ZFHX3: variants seen among roughly 807,000 people sequenced by gnomAD.
ZFHX3 encodes the protein zinc finger homeobox protein 3.
Under a neutral mutation model 279.1 loss-of-function variants are expected in ZFHX3, and 42 were observed. The ratio of observed to expected loss-of-function variants is 0.15; its 90% confidence interval spans 0.12 to 0.19. The LOEUF is 0.19. ZFHX3 is among the 10% of genes least tolerant of loss of function. ZFHX3 has a pLI of 1.00. For synonymous variants in ZFHX3, 2,293 were observed against 1,957.8 expected (o/e 1.17, Z -4.52); for missense variants, 4,981 against 4,754.0 (o/e 1.05, Z -1.40).
chr16:72,823,058 G>A (rs2036839347), intron 5 of ZFHX3, among the ~76,000 whole-genome samples: 2 of 152,152 alleles, frequency 1.3e-5, no homozygotes, highest in Admixed American at 1.3e-4. Context: ...ACTTTAAGCA[G>A]CCAAGTATAC....
chr16:73,663,084 G>T (rs1035346052), intron 2 of ZFHX3, among the ~76,000 whole-genome samples: 1 of 152,172 alleles, frequency 6.6e-6, no homozygotes, highest in African/African-American at 2.4e-5. Context: ...AAATAAAAAA[G>T]AAAAGAGGTT....
At chr16:72,947,827 G>T (rs1960774473) in intron 3 of ZFHX3, among the ~76,000 whole-genome samples, 1 of 152,160 alleles carries the variant, frequency 6.6e-6, no homozygotes, top group Admixed American at 6.5e-5. Context: ...ATTACATCCA[G>T]TTAACTGTGC....
intron 3 of ZFHX3, among the ~76,000 whole-genome samples, chr16:73,439,923 A>C (rs1382697113): frequency 3.4e-5 from 5 of 145,850 alleles, no homozygotes; most frequent in African/African-American, 1.1e-4. Flanking sequence ...AAAAAAAAAA[A>C]AAAAAAAAAC....
intron 5 of ZFHX3, among the ~76,000 whole-genome samples, chr16:73,236,803 C>G (rs1186111575): frequency 6.6e-6 from 1 of 152,168 alleles, no homozygotes; most frequent in Admixed American, 6.5e-5. Context: ...CCACAGCACT[C>G]TTCATCTCAA....
chr16:73,293,118 C>A (rs1247376890), intron 4 of ZFHX3, among the ~76,000 whole-genome samples: 1 of 152,138 alleles, frequency 6.6e-6, no homozygotes, highest in Non-Finnish European at 1.5e-5. Flanking sequence ...GACCAACCTA[C>A]CAGAAGAGGA....
intron 4 of ZFHX3, among the ~76,000 whole-genome samples, chr16:72,886,856 C>T (rs1369864309): frequency 1.3e-5 from 2 of 152,212 alleles, no homozygotes; most frequent in Non-Finnish European, 2.9e-5. Flanking sequence ...CAGGCCCATC[C>T]TCGTCCCTTA....
chr16:73,319,067 A>G (rs1225737432), intron 3 of ZFHX3, among the ~76,000 whole-genome samples: 1 of 134,518 alleles, frequency 7.4e-6, no homozygotes, highest in African/African-American at 2.7e-5. Flanking sequence ...AGTAAATACC[A>G]TGGAGGGGGT....
intron 7 of ZFHX3, among the ~76,000 whole-genome samples, chr16:73,124,502 CAG>C (rs756000441): frequency 1.8e-4 from 28 of 152,180 alleles, no homozygotes; most frequent in Admixed American, 5.2e-4. Context: ...TAGAGCGATT[CAG>C]AGTGCGGGCT....
chr16:73,743,655 CTACATA>C, intron 1 of ZFHX3, among the ~76,000 whole-genome samples: 1 of 151,686 alleles, frequency 6.6e-6, no homozygotes, highest in Non-Finnish European at 1.5e-5. Flanking sequence ...CAGGTAACTC[CTACATA>C]TATATATACA....
intron 3 of ZFHX3, chr16:73,388,995 C>A (rs2016956756): frequency 6.6e-6 from 1 of 152,246 alleles, no homozygotes; most frequent in Non-Finnish European, 1.5e-5. Context: ...GCGTCCAGTG[C>A]TCTGTTTCTT....
At chr16:73,585,786 A>G (rs1159230524) in intron 2 of ZFHX3, among the ~76,000 whole-genome samples, 3 of 152,230 alleles carry the variant, frequency 2.0e-5, no homozygotes, top group Non-Finnish European at 4.4e-5. Flanking sequence ...TAGTAAGTGC[A>G]GTTAAAATGT....
chr16:73,404,889 G>A (rs534814956), intron 3 of ZFHX3, among the ~76,000 whole-genome samples: 1 of 152,076 alleles, frequency 6.6e-6, no homozygotes, highest in Non-Finnish European at 1.5e-5. Flanking sequence ...ATCTCATTTG[G>A]TCCTCAGAGC....
intron 6 of ZFHX3, among the ~76,000 whole-genome samples, chr16:73,139,519 A>C (rs1407909677): frequency 6.6e-6 from 1 of 152,220 alleles, no homozygotes; most frequent in African/African-American, 2.4e-5. Flanking sequence ...AGCTAGGTCT[A>C]TATTTGAGAG....
At chr16:73,594,996 C>G (rs1000980815) in intron 2 of ZFHX3, among the ~76,000 whole-genome samples, 29 of 152,138 alleles carry the variant, frequency 1.9e-4, no homozygotes, top group Non-Finnish European at 3.8e-4. Flanking sequence ...GGAGAAGTCC[C>G]TGCACAGGTC....
At chr16:73,113,584 CGTGAGCTACT>C (rs1966401591) in intron 7 of ZFHX3, among the ~76,000 whole-genome samples, 1 of 152,164 alleles carries the variant, frequency 6.6e-6, no homozygotes, top group South Asian at 2.1e-4. Flanking sequence ...ACACCCACTA[CGTGAGCTACT>C]GGGAAGAGGC....
At chr16:73,467,041 G>T (rs542487692) in intron 2 of ZFHX3, among the ~76,000 whole-genome samples, 1 of 152,318 alleles carries the variant, frequency 6.6e-6, no homozygotes, top group African/African-American at 2.4e-5. Flanking sequence ...AGGGAGGAAG[G>T]CTATGCTGCA....
Position 72,794,284 on chromosome 16 carries a change from G to C in ZFHX3, c.8398C>G (p.Leu2800Val). 1 of 1,613,496 alleles carries C rather than the reference G, an allele frequency of 6.2e-7. No individual in the cohort carries two copies. Among genetic ancestry groups the C allele is most frequent in the Non-Finnish European group, 8.5e-7 (1 of 1,179,622 alleles). The change falls in exon 9 of 10, where the codon CTA becomes GTA. Residue 2800 changes from leucine (L) to valine (V), a missense_variant. Transcript: ENST00000268489. The surrounding 1 kb of genome is among the most constrained non-coding windows in gnomAD (Gnocchi z 4.2). ...TCCACCTTAATGGAGGAAGGGCTTA[G>C]AAGAGTTCTGGGTGACAATTCCATG... is the stretch of plus-strand genomic sequence containing the variant. The part of the protein sequence containing the change: ...KTMELSPRTL[L>V]SPSSIKVEGI...
chr16:73,022,771 G>A (rs1964348415), intron 1 of ZFHX3, among the ~76,000 whole-genome samples: 1 of 152,152 alleles, frequency 6.6e-6, no homozygotes, highest in Non-Finnish European at 1.5e-5. Context: ...GCAACAGTGA[G>A]CTCTGGCAAC....
At chr16:72,984,205 TG>T (rs1200218247) in intron 1 of ZFHX3, among the ~76,000 whole-genome samples, 1 of 152,254 alleles carries the variant, frequency 6.6e-6, no homozygotes, top group Non-Finnish European at 1.5e-5. Context: ...AGCCACAGGC[TG>T]CAGCCTGGCA....
Sources: allele counts gnomAD v4.1 joint callset (sites outside exome capture counted in the v4.1 genomes callset), GRCh38; gene constraint gnomAD v4.1.1; non-coding constraint Gnocchi (gnomAD v3.1); transcripts MANE v1.5; gene names NCBI Gene and HGNC (gene_info 2026-07-23, HGNC 2026-07-21).